The following SSH2 variants were observed in gnomAD, a reference collection of about 807,000 sequenced individuals.
The protein encoded by SSH2 is protein phosphatase Slingshot homolog 2.
Under a neutral mutation model 135.2 loss-of-function variants are expected in SSH2, and 37 were observed. The observed-to-expected ratio is 0.27, with a 90% confidence interval of 0.21 to 0.36. SSH2 has a LOEUF of 0.36. SSH2 is among the 10% of genes least tolerant of loss of function. The probability of loss-of-function intolerance (pLI) is 1.00; values close to 1 mark genes in which losing one functional copy is unlikely to be tolerated. For synonymous variants in SSH2, 628 were observed against 646.2 expected, an observed-to-expected ratio of 0.97 and a Z score of 0.43; for missense variants, 1,408 against 1,765.3, an observed-to-expected ratio of 0.80 and a Z score of 3.63.
At chr17:29,856,126 T>C in intron 1 of SSH2, 1 of 314,578 alleles carries the variant, frequency 3.2e-6, no homozygotes, top group South Asian at 2.8e-5. Flanking sequence ...TACATCTGGA[T>C]GGTTTAGATA....
intron 14 of SSH2, among the ~76,000 whole-genome samples, chr17:29,643,817 G>A (rs1381974549): frequency 6.6e-6 from 1 of 152,104 alleles, no homozygotes; most frequent in African/African-American, 2.4e-5. Flanking sequence ...ATCCAGTCCT[G>A]GAAATTCTAT....
chr17:29,748,612 A>C (rs1466791609), intron 3 of SSH2, among the ~76,000 whole-genome samples: 1 of 152,184 alleles, frequency 6.6e-6, no homozygotes, highest in East Asian at 1.9e-4. Flanking sequence ...ATTTCTGTAG[A>C]AGACAAGATC....
chr17:29,814,432 CAAA>C (rs1179862061), intron 2 of SSH2, among the ~76,000 whole-genome samples: 2 of 39,112 alleles, frequency 5.1e-5, no homozygotes, highest in African/African-American at 2.2e-4. Flanking sequence ...GACTCTGTCT[CAAA>C]AAAAAAAAAA....
At chr17:29,749,529 T>C (rs909058736) in intron 3 of SSH2, among the ~76,000 whole-genome samples, 1 of 152,024 alleles carries the variant, frequency 6.6e-6, no homozygotes, top group African/African-American at 2.4e-5. Flanking sequence ...ACAGTAAAAA[T>C]GTGGTATAGA....
chr17:29,767,382 T>C (rs1036862672), intron 3 of SSH2, among the ~76,000 whole-genome samples: 1 of 150,936 alleles, frequency 6.6e-6, no homozygotes, highest in African/African-American at 2.5e-5. Context: ...TTTTCTTTTT[T>C]TTTTTTAGAC....
chr17:29,671,906 C>A (rs1311349931), intron 9 of SSH2, 29 bp downstream of exon 9: 1 of 1,584,572 alleles, frequency 6.3e-7, no homozygotes, highest in East Asian at 2.2e-5. Flanking sequence ...ATGGAGAGAA[C>A]TTCCATAATC....
At chr17:29,822,156 C>T (rs560332834) in intron 2 of SSH2, among the ~76,000 whole-genome samples, 37 of 152,306 alleles carry the variant, frequency 2.4e-4, no homozygotes, top group African/African-American at 8.7e-4. Context: ...CCTCTGTGTA[C>T]ACAAGCCCAT....
intron 3 of SSH2, among the ~76,000 whole-genome samples, chr17:29,709,052 A>AGAGAGCGCGC (rs1491229455): frequency 4.1e-5 from 6 of 144,654 alleles, no homozygotes; most frequent in African/African-American, 1.5e-4. Context: ...AGAGAGAGAG[A>AGAGAGCGCGC]GCTAATAATA....
At chr17:29,652,115 C>A (rs2036601056) in intron 12 of SSH2, among the ~76,000 whole-genome samples, 1 of 152,016 alleles carries the variant, frequency 6.6e-6, no homozygotes, top group African/African-American at 2.4e-5. Context: ...GCACTCCAGT[C>A]TGGGCAATAA....
At chr17:29,917,866 A>C (rs1029480919) in intron 1 of SSH2, among the ~76,000 whole-genome samples, 1 of 151,994 alleles carries the variant, frequency 6.6e-6, no homozygotes, top group African/African-American at 2.4e-5. Flanking sequence ...AAAATAAATA[A>C]ATAAATAAAT....
In SSH2 at chr17:29,866,446, G is replaced by C. The variant is rs1293434641; in HGVS notation, c.64-17517C>G. 2.6e-5 allele frequency among the ~76,000 whole-genome samples: 4 copies of C among 152,180 alleles called. No individual in the cohort carries two copies. In the East Asian group the frequency reaches 7.7e-4, roughly 29 times the overall value. Reference sequence around the variant, plus strand: ...CTATATAGTGCAAAATGCACACCAAGTTAGGTACTATGACAGATTCTGAGA... The same window carrying C: ...CTATATAGTGCAAAATGCACACCAACTTAGGTACTATGACAGATTCTGAGA... On this transcript the variant is annotated intron_variant, in intron 1 of 15. Transcript: ENST00000540801.
Position 29,645,143 on chromosome 17 carries a change from G to A in SSH2, c.1427+3001C>T, listed in dbSNP as rs1046287482. 4 of 152,284 alleles carry A rather than the reference G, an allele frequency of 2.6e-5. No homozygotes were observed. The South Asian group carries it at 6.2e-4, about 24-fold the overall frequency. 9.4% of individuals were successfully genotyped at this position (152,284 alleles called of 1,614,324 possible). The stretch of plus-strand genomic sequence containing the variant: ...ATATCTGAATAACTCTCAACAATAC[G>A]TAATAAACATTCAAACACATTTTTA... On this transcript the variant is annotated intron_variant, in intron 14 of 15. Coordinates refer to ENST00000540801, the MANE Select transcript of SSH2 (RefSeq NM_001282129.2).
intron 3 of SSH2, among the ~76,000 whole-genome samples, chr17:29,749,542 A>AT (rs2040864632): frequency 6.6e-6 from 1 of 152,178 alleles, no homozygotes; most frequent in African/African-American, 2.4e-5. Flanking sequence ...GGTATAGAAG[A>AT]TAAAAAGTGG....
chr17:29,744,905 A>C (rs957885693), intron 3 of SSH2, among the ~76,000 whole-genome samples: 4 of 126,268 alleles, frequency 3.2e-5, no homozygotes, highest in Non-Finnish European at 7.0e-5. Flanking sequence ...GTGTGTGTTT[A>C]AATAAACAAA....
chr17:29,654,884 C>T (rs768141443), intron 12 of SSH2, among the ~76,000 whole-genome samples: 33 of 152,068 alleles, frequency 2.2e-4, no homozygotes, highest in Non-Finnish European at 4.1e-4. Context: ...TCTGTGGATC[C>T]CCAGCACCTA....
chr17:29,709,811 T>C (rs1457478144), intron 3 of SSH2, among the ~76,000 whole-genome samples: 1 of 152,164 alleles, frequency 6.6e-6, no homozygotes, highest in African/African-American at 2.4e-5. Context: ...ATAAAGAACA[T>C]GTCTGAGATG....
Position 29,628,130 on chromosome 17 carries a change from TC to T in SSH2, c.*2710del, listed in dbSNP as rs2035552570. 1.3e-5 allele frequency: 2 copies of T among 152,072 alleles called. No individual in the cohort carries two copies. Among genetic ancestry groups the T allele is most frequent in the Admixed American group, 1.3e-4 (2 of 15,270 alleles). The allele number at this position is 152,072 out of a possible 1,614,324, so 9.4% of individuals were successfully genotyped here. ...AGTCCTTGACAGTTCACTGCGCACCTCCCCTGGACACTGCTCAGCTATGTAA... is the reference window on the plus strand; with the variant it reads ...AGTCCTTGACAGTTCACTGCGCACCTCCCTGGACACTGCTCAGCTATGTAA... On this transcript the variant is annotated 3_prime_UTR_variant, in exon 16 of 16. Transcript: ENST00000540801.
At chr17:29,661,806 T>A (rs576935726) in intron 11 of SSH2, among the ~76,000 whole-genome samples, 1 of 152,292 alleles carries the variant, frequency 6.6e-6, no homozygotes, top group African/African-American at 2.4e-5. Flanking sequence ...CAGAGAGAGT[T>A]CAACCTGACA....
At chr17:29,879,705 AAAG>A (rs1489482242) in intron 1 of SSH2, among the ~76,000 whole-genome samples, 11 of 152,332 alleles carry the variant, frequency 7.2e-5, no homozygotes, top group African/African-American at 2.6e-4. Context: ...CACCTGAAAC[AAAG>A]AAGATCAACT....
Sources: gnomAD v4.1 joint callset for allele counts (sites outside exome capture counted in the v4.1 genomes callset) on GRCh38, gnomAD v4.1.1 for gene constraint, MANE v1.5 for transcripts, NCBI Gene and HGNC (gene_info 2026-07-23, HGNC 2026-07-21) for gene names.